Variants in HMGCS2 observed in about 807,000 individuals in gnomAD.
HMGCS2 encodes the protein 3-hydroxy-3-methylglutaryl-CoA synthase 2, also known as hydroxymethylglutaryl-CoA synthase, mitochondrial.
Under a neutral mutation model 57.4 loss-of-function variants are expected in HMGCS2, and 50 were observed. That is an observed-to-expected ratio of 0.87 (90% CI 0.69 to 1.10). The LOEUF (loss-of-function observed/expected upper bound fraction) is 1.10. HMGCS2 is among the 50% of genes least tolerant of loss of function. The probability of loss-of-function intolerance (pLI) is 0.00; values close to 1 mark genes in which losing one functional copy is unlikely to be tolerated. For missense variants in HMGCS2, 627 were observed against 636.5 expected, an observed-to-expected ratio of 0.99 and a Z score of 0.16; for synonymous variants, 254 against 245.1, an observed-to-expected ratio of 1.04 and a Z score of -0.34.
At chr1:119,767,332 C>T (rs1653266766) in intron 1 of HMGCS2, among the ~76,000 whole-genome samples, 1 of 152,138 alleles carries the variant, frequency 6.6e-6, no homozygotes, top group Non-Finnish European at 1.5e-5. Context: ...GCATTTGAGG[C>T]AAACCTTGAT....
At chr1:119,749,441 G>A (rs1652575590) in intron 9 of HMGCS2, among the ~76,000 whole-genome samples, 1 of 139,118 alleles carries the variant, frequency 7.2e-6, no homozygotes, top group South Asian at 2.4e-4. Flanking sequence ...AATGAACTAA[G>A]TTGACACATT....
intron 8 of HMGCS2, among the ~76,000 whole-genome samples, 185 bp from the exon 9 acceptor site, chr1:119,751,093 C>T (rs1260902687): frequency 6.6e-6 from 1 of 152,144 alleles, no homozygotes; most frequent in African/African-American, 2.4e-5. Context: ...GGGCAGCCAT[C>T]TTGAATCTAG....
intron 5 of HMGCS2, among the ~76,000 whole-genome samples, chr1:119,755,865 G>A (rs1421845956): frequency 2.0e-5 from 3 of 148,202 alleles, no homozygotes; most frequent in Non-Finnish European, 4.5e-5. Context: ...ATGTGTTGTG[G>A]TTAGCATACT....
In HMGCS2 at chr1:119,768,886, G is replaced by T; in HGVS notation, c.-42C>A. On this transcript the variant is annotated 5_prime_UTR_variant, in exon 1 of 10. The change creates a new upstream start codon in the 5' untranslated region. Coordinates refer to ENST00000369406, the MANE Select transcript of HMGCS2 (RefSeq NM_005518.4). The stretch of plus-strand genomic sequence containing the variant: ...AGAAACCCAGCAGTTCAGAAACCCA[G>T]CAGAAACCTTGAAAGAGATGCCCAG... 1 of 1,460,058 alleles carries T rather than the reference G, an allele frequency of 6.8e-7. No homozygotes were observed. Among genetic ancestry groups the T allele is most frequent in the South Asian group, 1.1e-5 (1 of 87,220 alleles). The allele number at this position is 1,460,058 out of a possible 1,614,324, so 90.4% of individuals were successfully genotyped here. A position where few individuals can be genotyped will look rare whatever the true frequency, so the allele number is the denominator to read the frequency against.
Position 119,757,452 on chromosome 1 carries a change from C to A in HMGCS2, c.851-14G>T, listed in dbSNP as rs188523700. ...GATCGCTGCCAGCTGGAAGAGGAAG[C>A]GTGAAGGCAAGGATGGGGCATGAGG... On this transcript the variant is annotated splice_polypyrimidine_tract_variant and intron_variant, in intron 4 of 9. Transcript: ENST00000369406. The A allele has an allele frequency of 2.5e-6, 4 of 1,613,870 alleles. No individual in the cohort carries two copies. Among genetic ancestry groups the A allele is most frequent in the Non-Finnish European group, 3.4e-6 (4 of 1,179,928 alleles).
At chr1:119,749,641 C>T (rs1218074438) in intron 9 of HMGCS2, among the ~76,000 whole-genome samples, 1 of 152,160 alleles carries the variant, frequency 6.6e-6, no homozygotes, top group Non-Finnish European at 1.5e-5. Context: ...CAGCCTAGCA[C>T]CTGCCAATAT....
rs587631357 is a variant in HMGCS2 at position 119,759,941 on chromosome 1, C to A, written c.608G>T (p.Gly203Val). 6.2e-7 allele frequency: 1 copy of A among 1,614,100 alleles called. No homozygotes were observed. The highest frequency in any genetic ancestry group is 1.3e-5 in the African/African-American group (1 of 75,036). The change falls in exon 3 of 10, where the codon GGT becomes GTT. Residue 203 changes from glycine to valine, a missense_variant. Transcript: ENST00000369406. ...VCGDIAVYPS[G>V]NARPTGGAGA... ...GGCCCCACCTGTGGGACGAGCATTA[C>A]CACTGGGATAGACGGCAATGTCTCC...
chr1:119,756,169 C>A (rs767730613), intron 5 of HMGCS2, among the ~76,000 whole-genome samples: 2 of 152,282 alleles, frequency 1.3e-5, no homozygotes, highest in East Asian at 3.9e-4. Flanking sequence ...GCCCATTTTC[C>A]CACAGGCTTG....
At chr1:119,751,315 A>G (rs1652653625) in intron 8 of HMGCS2, among the ~76,000 whole-genome samples, 1 of 150,682 alleles carries the variant, frequency 6.6e-6, no homozygotes, top group South Asian at 2.1e-4. Flanking sequence ...GCAGTATTTC[A>G]GTGCTTTGTC....
chr1:119,767,896 T>A (rs1653289373), intron 1 of HMGCS2, among the ~76,000 whole-genome samples: 2 of 152,176 alleles, frequency 1.3e-5, no homozygotes, highest in Admixed American at 1.3e-4. Flanking sequence ...GATGGTAGCA[T>A]AATGAAAAAT....
intron 1 of HMGCS2, 118 bp from the exon 2 acceptor site, chr1:119,764,744 G>A (rs891472407): frequency 2.5e-6 from 2 of 792,088 alleles, no homozygotes; most frequent in Middle Eastern, 3.4e-4. Flanking sequence ...GTTATCAGAT[G>A]ACTACAAATT....
In HMGCS2 at chr1:119,755,570, G is replaced by A. The variant is rs780316550; in HGVS notation, c.1044C>T (p.Thr348=). The A allele has an allele frequency of 6.2e-7, 1 of 1,614,130 alleles. No individual in the cohort carries two copies. The highest frequency in any genetic ancestry group is 1.7e-5 in the Admixed American group (1 of 60,018). Residue 348 remains threonine, a synonymous_variant, in exon 6 of 10, where the codon ACC becomes ACT. Coordinates refer to ENST00000369406, the MANE Select transcript of HMGCS2 (RefSeq NM_005518.4). ...GAAGTGCTTTATCCAGGTCCTTGTT[G>A]GTGTAGGTGTCTTCCAGCTTTAGCC... ...FGGLKLEDTY[T]NKDLDKALLK...
intron 2 of HMGCS2, among the ~76,000 whole-genome samples, chr1:119,760,790 C>T (rs1339415408): frequency 6.6e-6 from 1 of 152,110 alleles, no homozygotes; most frequent in Non-Finnish European, 1.5e-5. Flanking sequence ...AGTATTCACC[C>T]ACAGCACTGC....
chr1:119,749,220 C>A (rs899204438), intron 9 of HMGCS2, among the ~76,000 whole-genome samples: 7 of 152,094 alleles, frequency 4.6e-5, no homozygotes, highest in African/African-American at 1.7e-4. Flanking sequence ...GAGAAAAGGT[C>A]AAGAGTTCCA....
At position 119,759,867 on chromosome 1, in the gene HMGCS2, G is replaced by T. The variant is rs763531478; in HGVS notation, c.682C>A (p.Arg228=). 1 of 1,613,916 alleles carries T rather than the reference G, an allele frequency of 6.2e-7. No homozygotes were observed. Among genetic ancestry groups the T allele is most frequent in the Admixed American group, 1.7e-5 (1 of 60,006 alleles). Residue 228 remains arginine (R), a synonymous_variant, in exon 3 of 10, where the codon CGA becomes AGA. Coordinates refer to ENST00000369406, the MANE Select transcript of HMGCS2 (RefSeq NM_005518.4). ...TTGGTAATGGATTACTACAAACCTC[G>T]CTCCAGGGCCAGAGGGGCCTTGGGC... ...IGPKAPLALE[R]GLRGTHMENV... is the part of the protein sequence containing the mutation.
chr1:119,757,455 G>A lies in HMGCS2; in HGVS notation c.851-17C>T. ...CGCTGCCAGCTGGAAGAGGAAGCGTGAAGGCAAGGATGGGGCATGAGGGGC... is the reference window on the plus strand; with the variant it reads ...CGCTGCCAGCTGGAAGAGGAAGCGTAAAGGCAAGGATGGGGCATGAGGGGC... On this transcript the variant is annotated splice_polypyrimidine_tract_variant and intron_variant, in intron 4 of 9. Coordinates refer to ENST00000369406, the MANE Select transcript of HMGCS2 (RefSeq NM_005518.4). 2 of 1,614,068 alleles carry A rather than the reference G, an allele frequency of 1.2e-6. No individual in the cohort carries two copies. Among genetic ancestry groups the A allele is most frequent in the Middle Eastern group, 1.6e-4 (1 of 6,062 alleles).
intron 3 of HMGCS2, among the ~76,000 whole-genome samples, chr1:119,759,587 A>C (rs2101263209): frequency 6.6e-6 from 1 of 152,350 alleles, no homozygotes; most frequent in East Asian, 1.9e-4. Context: ...TTCAATTGCC[A>C]GAAGAGTTCC....
chr1:119,767,617 A>C (rs1653278516), intron 1 of HMGCS2, among the ~76,000 whole-genome samples: 1 of 152,248 alleles, frequency 6.6e-6, no homozygotes. Flanking sequence ...AAGGTGACTC[A>C]TGAAAAGCAA....
chr1:119,752,175 A>T (rs146421470), intron 8 of HMGCS2, among the ~76,000 whole-genome samples: 2,227 of 152,338 alleles, frequency 0.015, 29 homozygotes, highest in Non-Finnish European at 0.017. Flanking sequence ...TTTTCCAAAG[A>T]TAAACAGCTA....
Sources: gnomAD v4.1 joint callset for allele counts (sites outside exome capture counted in the v4.1 genomes callset) on GRCh38, gnomAD v4.1.1 for gene constraint, MANE v1.5 for transcripts, NCBI Gene and HGNC (gene_info 2026-07-23, HGNC 2026-07-21) for gene names.